CTNNA2: variants seen among roughly 807,000 people sequenced by gnomAD.
The protein encoded by CTNNA2 is catenin alpha-2.
CTNNA2 carries 42 observed loss-of-function variants against 101.0 expected under a neutral mutation model. That is an observed-to-expected ratio of 0.42 (90% CI 0.32 to 0.54). The LOEUF is 0.54. CTNNA2 is among the 20% of genes least tolerant of loss of function. CTNNA2 has a pLI of 0.14. For synonymous variants in CTNNA2, 450 were observed against 456.4 expected, an observed-to-expected ratio of 0.99 and a Z score of 0.18; for missense variants, 871 against 1,223.1, an observed-to-expected ratio of 0.71 and a Z score of 4.29.
intron 18 of CTNNA2, among the ~76,000 whole-genome samples, chr2:80,644,190 TTACCTCCC>T (rs1430211935): frequency 6.6e-6 from 1 of 152,084 alleles, no homozygotes; most frequent in Non-Finnish European, 1.5e-5. Flanking sequence ...ACAACTTACG[TTACCTCCC>T]TAAGCTTCAA....
chr2:79,455,330 G>A (rs75737488), intron 4 of CTNNA2, among the ~76,000 whole-genome samples: 1 of 152,240 alleles, frequency 6.6e-6, no homozygotes, highest in African/African-American at 2.4e-5. Flanking sequence ...GGAGCTTTGG[G>A]TTGGGTGGGG....
At chr2:79,255,717 C>T (rs543458170) in intron 2 of CTNNA2, among the ~76,000 whole-genome samples, 1 of 152,192 alleles carries the variant, frequency 6.6e-6, no homozygotes, top group Non-Finnish European at 1.5e-5. Context: ...AGTAGCCTAA[C>T]TCTTGTAATA....
chr2:80,530,443 A>G (rs1690443142), intron 9 of CTNNA2, among the ~76,000 whole-genome samples: 1 of 152,242 alleles, frequency 6.6e-6, no homozygotes, highest in Non-Finnish European at 1.5e-5. Context: ...AGGCCTTGTC[A>G]GACTGTGTAT....
intron 12 of CTNNA2, among the ~76,000 whole-genome samples, chr2:80,566,291 C>T (rs1421551741): frequency 6.6e-6 from 1 of 151,792 alleles, no homozygotes; most frequent in East Asian, 1.9e-4. Context: ...AAGTGGCATC[C>T]CATCTTTTTT....
intron 1 of CTNNA2, among the ~76,000 whole-genome samples, chr2:79,626,606 C>CGT (rs1384340305): frequency 1.3e-4 from 17 of 127,376 alleles, no homozygotes; most frequent in African/African-American, 3.1e-4. Flanking sequence ...TGTGTATGTG[C>CGT]GTGTGTGTGT....
intron 9 of CTNNA2, among the ~76,000 whole-genome samples, chr2:80,461,447 C>T (rs1282428406): frequency 1.3e-5 from 2 of 152,198 alleles, no homozygotes; most frequent in South Asian, 2.1e-4. Flanking sequence ...GCCGTCTCCC[C>T]ACCAGCTCAC....
intron 7 of CTNNA2, among the ~76,000 whole-genome samples, chr2:80,092,157 C>T (rs1415019761): frequency 1.3e-5 from 2 of 152,022 alleles, no homozygotes; most frequent in Non-Finnish European, 2.9e-5. Context: ...TTCCTCTAAG[C>T]CTTTCTCTCT....
chr2:80,049,502 A>G (rs529163573), intron 7 of CTNNA2, among the ~76,000 whole-genome samples: 1 of 152,334 alleles, frequency 6.6e-6, no homozygotes, highest in African/African-American at 2.4e-5. Flanking sequence ...GAGCTCATGC[A>G]CCTAGCTGGC....
intron 6 of CTNNA2, among the ~76,000 whole-genome samples, chr2:79,882,500 AC>A (rs1285500071): frequency 6.6e-6 from 1 of 152,230 alleles, no homozygotes; most frequent in African/African-American, 2.4e-5. Flanking sequence ...GCAGTCTGCC[AC>A]AGCCGGTGTG....
At chr2:80,642,402 T>C (rs528283887) in intron 18 of CTNNA2, among the ~76,000 whole-genome samples, 2 of 152,186 alleles carry the variant, frequency 1.3e-5, no homozygotes, top group Non-Finnish European at 2.9e-5. Flanking sequence ...CTCATTGTAT[T>C]GTGAGCTCTT....
At chr2:80,575,713 A>G (rs912865677) in intron 13 of CTNNA2, among the ~76,000 whole-genome samples, 5 of 152,082 alleles carry the variant, frequency 3.3e-5, no homozygotes, top group African/African-American at 7.2e-5. Flanking sequence ...TGTCACAACC[A>G]TTCACCTAGG....
chr2:79,940,436 T>C (rs1001286664), intron 7 of CTNNA2, among the ~76,000 whole-genome samples: 1 of 152,214 alleles, frequency 6.6e-6, no homozygotes, highest in Non-Finnish European at 1.5e-5. Context: ...TATTTTTTGC[T>C]TGGGGAATAC....
intron 7 of CTNNA2, among the ~76,000 whole-genome samples, chr2:80,073,833 A>T (rs879714902): frequency 2.5e-4 from 38 of 151,654 alleles, no homozygotes; most frequent in Admixed American, 4.0e-4. Context: ...TATCTTAATC[A>T]TTTTTCAATG....
At chr2:80,555,326 A>G in intron 11 of CTNNA2, among the ~76,000 whole-genome samples, 1 of 152,208 alleles carries the variant, frequency 6.6e-6, no homozygotes, top group East Asian at 1.9e-4. Context: ...TCAAACTTCA[A>G]AACAAAGGAA....
intron 6 of CTNNA2, among the ~76,000 whole-genome samples, chr2:79,896,742 A>C (rs1196515152): frequency 6.6e-6 from 1 of 152,242 alleles, no homozygotes; most frequent in Non-Finnish European, 1.5e-5. Context: ...AAAGAAGCTT[A>C]ATAATGGGAA....
intron 7 of CTNNA2, among the ~76,000 whole-genome samples, chr2:80,312,653 T>A (rs901605769): frequency 3.9e-5 from 6 of 152,240 alleles, no homozygotes; most frequent in African/African-American, 1.4e-4. Flanking sequence ...TGGGGTTCAA[T>A]ATATTTAACA....
chr2:80,169,937 T>C (rs1704939515), intron 7 of CTNNA2, among the ~76,000 whole-genome samples: 1 of 152,188 alleles, frequency 6.6e-6, no homozygotes, highest in Non-Finnish European at 1.5e-5. Context: ...TAATCAGAGT[T>C]AGCAATACCT....
Position 79,337,630 on chromosome 2 carries a change from G to C in CTNNA2, c.-318+24834G>C, listed in dbSNP as rs1677023057. ...TATACAACCCTAGAGAAGTTATATA[G>C]ATTCTCTTAATCTAATTTCCCTCAT... On this transcript the variant is annotated intron_variant, in intron 3 of 21. Transcript: ENST00000466387. Among the ~76,000 whole-genome samples the C allele has an allele frequency of 2.6e-5, 4 of 152,080 alleles. No homozygotes were observed. In the South Asian group the frequency reaches 8.3e-4, roughly 32 times the overall value.
At chr2:80,133,987 G>C (rs1702555466) in intron 7 of CTNNA2, among the ~76,000 whole-genome samples, 1 of 152,142 alleles carries the variant, frequency 6.6e-6, no homozygotes, top group South Asian at 2.1e-4. Flanking sequence ...GTCATGGTGA[G>C]GGTTAAATGA....
Sources: gnomAD v4.1 joint callset for allele counts (sites outside exome capture counted in the v4.1 genomes callset) on GRCh38, gnomAD v4.1.1 for gene constraint, MANE v1.5 for transcripts, NCBI Gene and HGNC (gene_info 2026-07-23, HGNC 2026-07-21) for gene names.